The following CLIC4 variants were observed in gnomAD, a reference collection of about 807,000 sequenced individuals.
CLIC4 encodes the protein chloride intracellular channel protein 4.
CLIC4 carries 13 observed loss-of-function variants against 24.6 expected under a neutral mutation model. The ratio of observed to expected loss-of-function variants is 0.53; its 90% confidence interval spans 0.34 to 0.84. CLIC4 has a LOEUF of 0.84. CLIC4 is among the 40% of genes least tolerant of loss of function. The pLI is 0.01. For missense variants in CLIC4, 227 were observed against 301.7 expected (o/e 0.75, Z 1.83); for synonymous variants, 104 against 111.3 (o/e 0.93, Z 0.41).
intron 1 of CLIC4, among the ~76,000 whole-genome samples, chr1:24,791,876 C>CAAAA (rs986691644): frequency 1.3e-5 from 2 of 148,386 alleles, no homozygotes; most frequent in African/African-American, 5.1e-5. Flanking sequence ...AACTCCATCT[C>CAAAA]AAAAAAATAA....
At chr1:24,806,333 A>G (rs969723931) in intron 2 of CLIC4, among the ~76,000 whole-genome samples, 1 of 152,254 alleles carries the variant, frequency 6.6e-6, no homozygotes, top group Non-Finnish European at 1.5e-5. Flanking sequence ...TTGTTGATAC[A>G]TAGCTTGTGA....
intron 1 of CLIC4, among the ~76,000 whole-genome samples, chr1:24,780,765 G>A (rs1464134192): frequency 6.6e-6 from 1 of 152,182 alleles, no homozygotes; most frequent in Non-Finnish European, 1.5e-5. Flanking sequence ...AAGTTGTGAT[G>A]ACATCAGAGT....
Position 24,770,718 on chromosome 1 carries a change from C to T in CLIC4, c.72+25093C>T, listed in dbSNP as rs545264490. ...TTTCTTGACCTTGTCATTTTCCTCA[C>T]ACCAATTCTTCTTCTTTTTTTTTTG... On this transcript the variant is annotated intron_variant, in intron 1 of 5. Coordinates refer to ENST00000374379, the MANE Select transcript of CLIC4 (RefSeq NM_013943.3). 2.3e-4 allele frequency among the ~76,000 whole-genome samples: 26 copies of T among 114,678 alleles called. 1 individual carries two copies. In the South Asian group the frequency reaches 5.2e-3, roughly 23 times the overall value. 75.2% of individuals were successfully genotyped at this position (114,678 alleles called of 152,430 possible).
chr1:24,784,319 A>T (rs1639239717), intron 1 of CLIC4, among the ~76,000 whole-genome samples: 1 of 152,168 alleles, frequency 6.6e-6, no homozygotes, highest in African/African-American at 2.4e-5. Flanking sequence ...TTCCCATTTT[A>T]TAGAAAAGGA....
intron 2 of CLIC4, among the ~76,000 whole-genome samples, chr1:24,799,453 C>A (rs1256967612): frequency 1.3e-5 from 2 of 150,860 alleles, no homozygotes; most frequent in Non-Finnish European, 3.0e-5. Context: ...CTCCGCCCGG[C>A]AGCTGCCCCG....
chr1:24,746,173 A>G (rs545087287), intron 1 of CLIC4, among the ~76,000 whole-genome samples: 3 of 152,358 alleles, frequency 2.0e-5, no homozygotes, highest in South Asian at 2.1e-4. Flanking sequence ...CAAATTTACC[A>G]AAGAGCAGGT....
At chr1:24,818,906 CAT>C (rs1415930690) in intron 3 of CLIC4, among the ~76,000 whole-genome samples, 1 of 151,334 alleles carries the variant, frequency 6.6e-6, no homozygotes, top group African/African-American at 2.4e-5. Context: ...ATAGTATAAA[CAT>C]ATATGTTATA....
Position 24,802,039 on chromosome 1 carries a change from C to G in CLIC4, c.182+4188C>G, listed in dbSNP as rs959057228. Among the ~76,000 whole-genome samples the G allele has an allele frequency of 8.5e-5, 13 of 152,234 alleles. No individual in the cohort carries two copies. In the South Asian group the frequency reaches 1.7e-3, roughly 19 times the overall value. On this transcript the variant is annotated intron_variant, in intron 2 of 5. Coordinates refer to ENST00000374379, the MANE Select transcript of CLIC4 (RefSeq NM_013943.3). Reference sequence around the variant, plus strand: ...AACTCCTAAAAATAGAGTGTGCCACCAGGCACACACCCTTACTGTGTCCTA... The same window carrying G: ...AACTCCTAAAAATAGAGTGTGCCACGAGGCACACACCCTTACTGTGTCCTA...
chr1:24,772,010 C>G (rs1020471757), intron 1 of CLIC4, among the ~76,000 whole-genome samples: 3 of 152,160 alleles, frequency 2.0e-5, no homozygotes, highest in African/African-American at 7.2e-5. Flanking sequence ...ATTCCAACGT[C>G]AGATCCAGAG....
intron 1 of CLIC4, among the ~76,000 whole-genome samples, chr1:24,773,035 A>G (rs1250033884): frequency 6.6e-6 from 1 of 152,124 alleles, no homozygotes; most frequent in African/African-American, 2.4e-5. Context: ...CTTACAGCCA[A>G]TTTTCTGTGC....
intron 2 of CLIC4, among the ~76,000 whole-genome samples, chr1:24,805,109 A>AAAAAAAAAAG (rs1179480795): frequency 9.3e-6 from 1 of 107,480 alleles, no homozygotes; most frequent in Non-Finnish European, 2.2e-5. Context: ...AAAAAAACAC[A>AAAAAAAAAAG]AAAACAAAGA....
intron 2 of CLIC4, among the ~76,000 whole-genome samples, chr1:24,798,749 C>T (rs930175141): frequency 7.2e-5 from 11 of 152,324 alleles, no homozygotes; most frequent in Non-Finnish European, 1.2e-4. Flanking sequence ...TCACTGCAAC[C>T]TCCCTGCCTG....
chr1:24,805,094 AAAAAAAAAAAACAC>A (rs1431264926), intron 2 of CLIC4, among the ~76,000 whole-genome samples: 1 of 141,518 alleles, frequency 7.1e-6, no homozygotes, highest in Non-Finnish European at 1.6e-5. Context: ...GTCAAAAAAA[AAAAAAAAAAAACAC>A]AAAAACAAAG....
chr1:24,840,064 C>T (rs749224695), intron 5 of CLIC4, 23 bp downstream of exon 5: 21 of 1,603,570 alleles, frequency 1.3e-5, no homozygotes, highest in African/African-American at 2.7e-5. Context: ...GGGTTGATGT[C>T]GCATTGCCAT....
chr1:24,757,358 C>A (rs1638865143), intron 1 of CLIC4, among the ~76,000 whole-genome samples: 1 of 152,150 alleles, frequency 6.6e-6, no homozygotes, highest in Non-Finnish European at 1.5e-5. Flanking sequence ...TTTGTGAATT[C>A]TCTGCATGTT....
intron 2 of CLIC4, among the ~76,000 whole-genome samples, chr1:24,807,193 A>T (rs554007592): frequency 7.2e-5 from 11 of 152,090 alleles, no homozygotes; most frequent in Admixed American, 2.0e-4. Context: ...TAGAGAGCTT[A>T]AAAACTTTCA....
chr1:24,776,684 T>G (rs1312324728), intron 1 of CLIC4, among the ~76,000 whole-genome samples: 1 of 152,218 alleles, frequency 6.6e-6, no homozygotes, highest in East Asian at 1.9e-4. Context: ...CTCATGCCTG[T>G]AATCCCAGCA....
chr1:24,745,978 C>A (rs925603906), intron 1 of CLIC4, among the ~76,000 whole-genome samples: 3 of 150,588 alleles, frequency 2.0e-5, no homozygotes, highest in Non-Finnish European at 4.4e-5. Flanking sequence ...CTGTCACCAC[C>A]CCCCGCCCGG....
intron 2 of CLIC4, among the ~76,000 whole-genome samples, chr1:24,801,260 C>T (rs1639487176): frequency 6.6e-6 from 1 of 152,126 alleles, no homozygotes; most frequent in African/African-American, 2.4e-5. Context: ...GTTTAATTGA[C>T]TGGCAGTTCT....
Sources: allele counts gnomAD v4.1 joint callset (sites outside exome capture counted in the v4.1 genomes callset), GRCh38; gene constraint gnomAD v4.1.1; transcripts MANE v1.5; gene names NCBI Gene and HGNC (gene_info 2026-07-23, HGNC 2026-07-21).